GRIN3A: variants seen among roughly 807,000 people sequenced by gnomAD.
GRIN3A encodes glutamate ionotropic receptor NMDA type subunit 3A.
A neutral mutation model predicts 92.4 loss-of-function variants in GRIN3A; 47 were observed. That is an observed-to-expected ratio of 0.51 (90% confidence interval 0.40 to 0.65). GRIN3A has a LOEUF of 0.65. Among genes scored for constraint, GRIN3A ranks in the 30% least tolerant of loss-of-function variants. GRIN3A has a pLI of 0.00. For synonymous variants in GRIN3A, 527 were observed against 540.6 expected (o/e 0.97, Z 0.35); for missense variants, 1,324 against 1,393.1 (o/e 0.95, Z 0.79).
intron 5 of GRIN3A, among the ~76,000 whole-genome samples, chr9:101,618,522 G>A (rs1446536865): frequency 6.6e-6 from 1 of 152,102 alleles, no homozygotes; most frequent in Non-Finnish European, 1.5e-5. Flanking sequence ...AGTTAGAATG[G>A]CAATCATTAA....
chr9:101,689,365 A>C (rs575983181), intron 1 of GRIN3A, among the ~76,000 whole-genome samples: 2 of 152,200 alleles, frequency 1.3e-5, no homozygotes, highest in Admixed American at 1.3e-4. Context: ...CACGGATGAA[A>C]TTGTTGCTTT....
chr9:101,657,972 C>T (rs963597226), intron 3 of GRIN3A, among the ~76,000 whole-genome samples: 8 of 152,030 alleles, frequency 5.3e-5, no homozygotes, highest in East Asian at 3.9e-4. Context: ...AGTCTCTGCT[C>T]TTCAGTCATG....
At chr9:101,736,368 G>A (rs1431166378) in intron 1 of GRIN3A, among the ~76,000 whole-genome samples, 1 of 152,148 alleles carries the variant, frequency 6.6e-6, no homozygotes, top group Admixed American at 6.5e-5. Context: ...TACTAAATAA[G>A]GACTCTGTCT....
intron 1 of GRIN3A, among the ~76,000 whole-genome samples, chr9:101,693,371 A>G (rs1829644609): frequency 6.6e-6 from 1 of 151,694 alleles, no homozygotes; most frequent in Non-Finnish European, 1.5e-5. Context: ...GTGAGTCAAG[A>G]TTGTGCCACT....
intron 3 of GRIN3A, among the ~76,000 whole-genome samples, chr9:101,657,948 A>G (rs1173871236): frequency 2.0e-5 from 3 of 151,874 alleles, no homozygotes; most frequent in Non-Finnish European, 4.4e-5. Flanking sequence ...TTCAAATATC[A>G]CAGCCTTAGC....
intron 2 of GRIN3A, among the ~76,000 whole-genome samples, chr9:101,686,071 G>T (rs897450904): frequency 2.0e-5 from 3 of 152,090 alleles, no homozygotes; most frequent in African/African-American, 7.2e-5. Flanking sequence ...AGGCCAGGGA[G>T]GAGGGAGAAA....
intron 1 of GRIN3A, among the ~76,000 whole-genome samples, chr9:101,696,390 A>G (rs1829684685): frequency 6.6e-6 from 1 of 152,238 alleles, no homozygotes; most frequent in Admixed American, 6.5e-5. Flanking sequence ...GTAGGATGTT[A>G]AAGCTAGATA....
intron 1 of GRIN3A, among the ~76,000 whole-genome samples, chr9:101,720,336 T>G (rs1475674221): frequency 1.3e-5 from 2 of 152,248 alleles, no homozygotes; most frequent in Non-Finnish European, 2.9e-5. Flanking sequence ...TTAAGTTTTT[T>G]AAATGGCACA....
At chr9:101,613,939 C>T (rs1355995628) in intron 5 of GRIN3A, among the ~76,000 whole-genome samples, 3 of 152,050 alleles carry the variant, frequency 2.0e-5, no homozygotes, top group African/African-American at 4.8e-5. Flanking sequence ...ATTCTCTTAT[C>T]GGTGTTAATG....
chr9:101,659,670 T>C (rs2118930273), intron 3 of GRIN3A, among the ~76,000 whole-genome samples: 1 of 151,874 alleles, frequency 6.6e-6, no homozygotes, highest in East Asian at 1.9e-4. Flanking sequence ...AAGCCAATTT[T>C]CCCTTAATTT....
chr9:101,580,524 A>G (rs1827874777), intron 6 of GRIN3A, among the ~76,000 whole-genome samples: 1 of 152,148 alleles, frequency 6.6e-6, no homozygotes. Context: ...ATTTAAGGGG[A>G]AAAAGATGGT....
chr9:101,641,128 T>C (rs1487671679), intron 3 of GRIN3A, among the ~76,000 whole-genome samples: 1 of 152,044 alleles, frequency 6.6e-6, no homozygotes, highest in East Asian at 1.9e-4. Flanking sequence ...AAATAAAAAG[T>C]TGAAACAACA....
intron 6 of GRIN3A, among the ~76,000 whole-genome samples, chr9:101,604,545 G>A (rs1220131575): frequency 2.6e-5 from 4 of 152,126 alleles, no homozygotes; most frequent in South Asian, 2.1e-4. Flanking sequence ...TGATATACAC[G>A]AGTTTTCAAT....
rs1314660712 is a variant in GRIN3A at position 101,616,996 on chromosome 9, G to C, written c.2615-3469C>G. ...TGGCCGGATCACGAGATCAGGAGAT[G>C]GAGACCATCCTGACTAACACGGTGA... On this transcript the variant is annotated intron_variant, in intron 5 of 8. Transcript: ENST00000361820. Among the ~76,000 whole-genome samples the C allele has an allele frequency of 5.3e-5, 8 of 150,928 alleles. No individual in the cohort carries two copies. The East Asian group carries it at 7.8e-4, about 15-fold the overall frequency.
Position 101,738,082 on chromosome 9 carries a change from A to T in GRIN3A, c.-103T>A. 2 of 985,262 alleles carry T rather than the reference A, an allele frequency of 2.0e-6. No individual in the cohort carries two copies. The highest frequency in any genetic ancestry group is 2.8e-5 in the South Asian group (2 of 72,506). 61.0% of individuals were successfully genotyped at this position (985,262 alleles called of 1,614,324 possible). Reference sequence around the variant, plus strand: ...GCCTCCAGGTCCCGCGCGCAGCTTCACTCCACTCGGTGAAGCGGTCCCAGG... The same window carrying T: ...GCCTCCAGGTCCCGCGCGCAGCTTCTCTCCACTCGGTGAAGCGGTCCCAGG... On this transcript the variant is annotated 5_prime_UTR_variant, in exon 1 of 9. Coordinates refer to ENST00000361820, the MANE Select transcript of GRIN3A (RefSeq NM_133445.3).
intron 5 of GRIN3A, among the ~76,000 whole-genome samples, chr9:101,613,732 A>G (rs1284137639): frequency 6.6e-6 from 1 of 152,194 alleles, no homozygotes. Context: ...ATTGAGTTGG[A>G]AAAGGAGAGG....
intron 6 of GRIN3A, among the ~76,000 whole-genome samples, chr9:101,588,996 C>T (rs991727999): frequency 2.6e-5 from 4 of 151,274 alleles, no homozygotes; most frequent in East Asian, 3.9e-4. Flanking sequence ...TTTGAGATGG[C>T]GTTTCACTGT....
At chr9:101,664,615 C>T (rs994531280) in intron 3 of GRIN3A, among the ~76,000 whole-genome samples, 2 of 151,888 alleles carry the variant, frequency 1.3e-5, no homozygotes, top group Admixed American at 1.3e-4. Flanking sequence ...TTCTGACCCC[C>T]TATCAGGAAA....
In GRIN3A at chr9:101,707,082, C is replaced by T. The variant is rs73658430; in HGVS notation, c.700-19882G>A. On this transcript the variant is annotated intron_variant, in intron 1 of 8. Coordinates refer to ENST00000361820, the MANE Select transcript of GRIN3A (RefSeq NM_133445.3). Reference sequence around the variant, plus strand: ...AATTTGCAAAAGATGCCAGTATCTCCCAGGAGAGTAAACAATCATGATGTT... The same window carrying T: ...AATTTGCAAAAGATGCCAGTATCTCTCAGGAGAGTAAACAATCATGATGTT... 2.4e-3 allele frequency among the ~76,000 whole-genome samples: 371 copies of T among 152,224 alleles called. 2 individuals carry two copies. Among genetic ancestry groups the T allele is most frequent in the African/African-American group, 8.3e-3 (346 of 41,526 alleles).
Sources: gnomAD v4.1 joint callset for allele counts (sites outside exome capture counted in the v4.1 genomes callset) on GRCh38, gnomAD v4.1.1 for gene constraint, MANE v1.5 for transcripts, NCBI Gene and HGNC (gene_info 2026-07-23, HGNC 2026-07-21) for gene names.